CLYBL: variants seen among roughly 807,000 people sequenced by gnomAD.
CLYBL encodes the protein citramalyl-CoA lyase, mitochondrial.
A neutral mutation model predicts 38.9 loss-of-function variants in CLYBL; 31 were observed. The observed-to-expected ratio is 0.80, with a 90% CI of 0.60 to 1.08. The LOEUF is 1.08. Among genes scored for constraint, CLYBL ranks in the 50% least tolerant of loss-of-function variants. The pLI is 0.00. For synonymous variants in CLYBL, 171 were observed against 158.6 expected (o/e 1.08, Z -0.59); for missense variants, 434 against 411.6 (o/e 1.05, Z -0.47).
At chr13:99,753,306 G>C (rs897452094) in intron 1 of CLYBL, among the ~76,000 whole-genome samples, 1 of 152,148 alleles carries the variant, frequency 6.6e-6, no homozygotes, top group Admixed American at 6.5e-5. Flanking sequence ...AAGCAGAGGA[G>C]CATCATGATT....
At chr13:99,754,291 T>C (rs2049012712) in intron 1 of CLYBL, among the ~76,000 whole-genome samples, 1 of 151,064 alleles carries the variant, frequency 6.6e-6, no homozygotes, top group South Asian at 2.1e-4. Context: ...GTGCCAGTAG[T>C]ATCAGGTAAT....
chr13:99,710,033 C>T (rs372458322), intron 1 of CLYBL, among the ~76,000 whole-genome samples: 13 of 150,326 alleles, frequency 8.6e-5, no homozygotes, highest in Middle Eastern at 3.5e-3. Context: ...ACGCCATTCT[C>T]CTGCCTCAGC....
At chr13:99,769,630 A>C (rs539179248) in intron 1 of CLYBL, among the ~76,000 whole-genome samples, 10 of 152,382 alleles carry the variant, frequency 6.6e-5, no homozygotes, top group African/African-American at 2.4e-4. Flanking sequence ...AAACGATGAC[A>C]GATATTTCAG....
At chr13:99,845,500 T>C (rs2139141530) in intron 2 of CLYBL, among the ~76,000 whole-genome samples, 1 of 152,338 alleles carries the variant, frequency 6.6e-6, no homozygotes, top group South Asian at 2.1e-4. Context: ...AAAAAGTCAA[T>C]GTGAAGAGCT....
chr13:99,694,342 A>G (rs1339534132), intron 1 of CLYBL, among the ~76,000 whole-genome samples: 1 of 152,238 alleles, frequency 6.6e-6, no homozygotes, highest in Non-Finnish European at 1.5e-5. Flanking sequence ...TGCTGTGCAC[A>G]TGTATGTGTT....
At chr13:99,877,776 T>C (rs771721486) in intron 7 of CLYBL, 121 of 214,616 alleles carry the variant, frequency 5.6e-4, no homozygotes, top group Non-Finnish European at 9.9e-4. Flanking sequence ...GTTTCACCAT[T>C]TTGGTCAGGC....
At chr13:99,675,013 C>G (rs1487091492) in intron 1 of CLYBL, among the ~76,000 whole-genome samples, 5 of 152,112 alleles carry the variant, frequency 3.3e-5, no homozygotes, top group Non-Finnish European at 7.4e-5. Context: ...CTGCTGCATT[C>G]CAGTCTGGGC....
At chr13:99,782,520 T>A (rs9513664) in intron 2 of CLYBL, among the ~76,000 whole-genome samples, 32,375 of 151,938 alleles carry the variant, frequency 0.21, 3,652 homozygotes, top group East Asian at 0.29. Context: ...GAAAAAAGTT[T>A]ATAATAAAAA....
chr13:99,839,178 C>T (rs994378071), intron 2 of CLYBL, among the ~76,000 whole-genome samples: 2 of 152,224 alleles, frequency 1.3e-5, no homozygotes, highest in South Asian at 2.1e-4. Flanking sequence ...GTGGGAGCGC[C>T]TGCTCAGAGT....
chr13:99,883,039 A>G (rs1239947212), intron 7 of CLYBL, among the ~76,000 whole-genome samples: 4 of 152,090 alleles, frequency 2.6e-5, no homozygotes, highest in Non-Finnish European at 4.4e-5. Context: ...TGGACAGAGG[A>G]AAAACACCCA....
chr13:99,610,476 A>G (rs1400655788), intron 1 of CLYBL, among the ~76,000 whole-genome samples: 4 of 152,204 alleles, frequency 2.6e-5, no homozygotes, highest in Admixed American at 2.0e-4. Context: ...AGTGACTTTA[A>G]TAAACTAATT....
chr13:99,710,410 G>A (rs2048212537), intron 1 of CLYBL, among the ~76,000 whole-genome samples: 1 of 152,158 alleles, frequency 6.6e-6, no homozygotes, highest in Non-Finnish European at 1.5e-5. Flanking sequence ...CTCTGCCCCA[G>A]TGGAGCTGGG....
At chr13:99,788,309 C>T (rs1001560991) in intron 2 of CLYBL, among the ~76,000 whole-genome samples, 1 of 152,120 alleles carries the variant, frequency 6.6e-6, no homozygotes, top group African/African-American at 2.4e-5. Flanking sequence ...CAGTTTTTGC[C>T]CATTCAGTAT....
At chr13:99,884,449 A>G (rs11619740) in intron 7 of CLYBL, among the ~76,000 whole-genome samples, 2 of 151,810 alleles carry the variant, frequency 1.3e-5, no homozygotes, top group Admixed American at 6.6e-5. Context: ...CACCCTTCAC[A>G]TGTCAGTTTA....
chr13:99,754,578 TTTG>T (rs967846658), intron 1 of CLYBL, among the ~76,000 whole-genome samples: 10 of 151,608 alleles, frequency 6.6e-5, no homozygotes, highest in Admixed American at 3.3e-4. Flanking sequence ...ATGATCTTTT[TTTG>T]TTGTTGTTGT....
At chr13:99,710,880 CCTTTTTTTTTTTTT>C (rs1315930874) in intron 1 of CLYBL, among the ~76,000 whole-genome samples, 1 of 134,880 alleles carries the variant, frequency 7.4e-6, no homozygotes, top group African/African-American at 2.8e-5. Context: ...GTTTCTAACC[CCTTTTTTTTTTTTT>C]TTTTTTTTTT....
chr13:99,695,536 T>C (rs536190125), intron 1 of CLYBL, among the ~76,000 whole-genome samples: 17 of 152,296 alleles, frequency 1.1e-4, no homozygotes, highest in African/African-American at 3.8e-4. Flanking sequence ...CCTTTTTGTT[T>C]TGAGACGGAG....
intron 1 of CLYBL, among the ~76,000 whole-genome samples, chr13:99,667,306 G>A (rs904192062): frequency 9.2e-5 from 14 of 152,020 alleles, no homozygotes; most frequent in African/African-American, 3.1e-4. Flanking sequence ...CATCAAGCTC[G>A]TAACTTGTCA....
At chr13:99,745,993 A>G (rs1359007563) in intron 1 of CLYBL, among the ~76,000 whole-genome samples, 5 of 151,080 alleles carry the variant, frequency 3.3e-5, no homozygotes, top group Non-Finnish European at 5.9e-5. Flanking sequence ...GAAAACGGAG[A>G]TTTCATTAAC....
Sources: gnomAD v4.1 joint callset for allele counts (sites outside exome capture counted in the v4.1 genomes callset) on GRCh38, gnomAD v4.1.1 for gene constraint, MANE v1.5 for transcripts, NCBI Gene and HGNC (gene_info 2026-07-23, HGNC 2026-07-21) for gene names.